Variants in KITLG observed in about 807,000 individuals in gnomAD.
KITLG encodes KIT ligand.
Under a neutral mutation model 34.1 loss-of-function variants are expected in KITLG, and 13 were observed. The ratio of observed to expected loss-of-function variants is 0.38; its 90% CI spans 0.25 to 0.61. KITLG has a LOEUF of 0.61. Among genes scored for constraint, KITLG ranks in the 20% least tolerant of loss-of-function variants. The pLI is 0.60. For synonymous variants in KITLG, 110 were observed against 104.0 expected (o/e 1.06, Z -0.35); for missense variants, 292 against 318.9 (o/e 0.92, Z 0.64).
At chr12:88,575,169 T>C (rs1001405429) in intron 1 of KITLG, among the ~76,000 whole-genome samples, 26 of 152,198 alleles carry the variant, frequency 1.7e-4, no homozygotes, top group African/African-American at 6.3e-4. Context: ...CTAGTCTCAC[T>C]TACTCATTTT....
At chr12:88,503,627 G>A (rs774302474) in intron 9 of KITLG, among the ~76,000 whole-genome samples, 11 of 152,118 alleles carry the variant, frequency 7.2e-5, no homozygotes, top group Non-Finnish European at 1.0e-4. Flanking sequence ...GGGTCTTCCC[G>A]CAACAGTATC....
chr12:88,562,492 G>A (rs1871328643), intron 1 of KITLG, among the ~76,000 whole-genome samples: 1 of 152,216 alleles, frequency 6.6e-6, no homozygotes, highest in African/African-American at 2.4e-5. Context: ...GACTGACTAA[G>A]GCAATGGCAG....
chr12:88,558,912 T>C (rs1482763865), intron 1 of KITLG, among the ~76,000 whole-genome samples: 1 of 152,180 alleles, frequency 6.6e-6, no homozygotes, highest in East Asian at 1.9e-4. Context: ...CTAGGTGCTC[T>C]TGATTTAGAG....
chr12:88,500,390 AG>A (rs1868806233), intron 9 of KITLG, among the ~76,000 whole-genome samples: 1 of 152,226 alleles, frequency 6.6e-6, no homozygotes, highest in African/African-American at 2.4e-5. Flanking sequence ...CTTTGATCAA[AG>A]TAACTCTGTA....
At chr12:88,545,058 T>C (rs971296676) in intron 2 of KITLG, among the ~76,000 whole-genome samples, 5 of 152,160 alleles carry the variant, frequency 3.3e-5, no homozygotes, top group African/African-American at 1.2e-4. Flanking sequence ...CTCCCCTAGA[T>C]CGTGACGGTT....
chr12:88,561,942 G>A (rs1183727309), intron 1 of KITLG, among the ~76,000 whole-genome samples: 2 of 83,804 alleles, frequency 2.4e-5, no homozygotes, highest in African/African-American at 4.9e-5. Context: ...CTGTCTTAAG[G>A]AGCACCTCTT....
At chr12:88,562,111 C>T (rs2120957251) in intron 1 of KITLG, among the ~76,000 whole-genome samples, 1 of 152,294 alleles carries the variant, frequency 6.6e-6, no homozygotes, top group East Asian at 1.9e-4. Flanking sequence ...ATCCGTCATT[C>T]TTACCTCTAG....
At chr12:88,568,026 C>A (rs1196403654) in intron 1 of KITLG, among the ~76,000 whole-genome samples, 1 of 152,054 alleles carries the variant, frequency 6.6e-6, no homozygotes, top group Admixed American at 6.6e-5. Flanking sequence ...TTTTTTATTG[C>A]TCAAGTCTGA....
At chr12:88,503,809 G>A (rs1315114799) in intron 9 of KITLG, among the ~76,000 whole-genome samples, 1 of 152,066 alleles carries the variant, frequency 6.6e-6, no homozygotes, top group Non-Finnish European at 1.5e-5. Flanking sequence ...CTATTATAAT[G>A]CATAATTATT....
chr12:88,577,896 AT>A (rs917904111), intron 1 of KITLG, among the ~76,000 whole-genome samples: 2 of 152,162 alleles, frequency 1.3e-5, no homozygotes, highest in South Asian at 2.1e-4. Context: ...ATTACTATAA[AT>A]TTTTTTTATA....
chr12:88,523,258 C>T (rs766455250), intron 3 of KITLG, among the ~76,000 whole-genome samples: 1 of 152,148 alleles, frequency 6.6e-6, no homozygotes, highest in Non-Finnish European at 1.5e-5. Flanking sequence ...TACTGAGGAC[C>T]AGTCTCACCA....
chr12:88,556,002 G>T (rs550919793), intron 1 of KITLG, among the ~76,000 whole-genome samples: 2 of 152,076 alleles, frequency 1.3e-5, no homozygotes, highest in African/African-American at 4.8e-5. Context: ...GGGGAGGGGG[G>T]CATTTGGGGG....
At chr12:88,528,438 T>C (rs911390527) in intron 3 of KITLG, among the ~76,000 whole-genome samples, 3 of 152,132 alleles carry the variant, frequency 2.0e-5, no homozygotes, top group Admixed American at 1.3e-4. Flanking sequence ...TTACATGGTA[T>C]CAAAATGAAA....
At chr12:88,512,992 T>C (rs1869331842) in intron 6 of KITLG, among the ~76,000 whole-genome samples, 3 of 151,822 alleles carry the variant, frequency 2.0e-5, no homozygotes. Flanking sequence ...CAGGTTAATA[T>C]AAAAGACAAT....
At chr12:88,536,765 A>G (rs1566026811) in intron 2 of KITLG, among the ~76,000 whole-genome samples, 3 of 152,290 alleles carry the variant, frequency 2.0e-5, no homozygotes, top group Admixed American at 6.5e-5. Context: ...GTTCTCACTC[A>G]TAAGTGGGAG....
chr12:88,501,531 A>C (rs971459529), intron 9 of KITLG, among the ~76,000 whole-genome samples: 2 of 152,142 alleles, frequency 1.3e-5, no homozygotes, highest in Admixed American at 1.3e-4. Context: ...ACACCTATCT[A>C]GGAACTAGAC....
At chr12:88,560,785 C>T (rs1340859926) in intron 1 of KITLG, among the ~76,000 whole-genome samples, 3 of 151,802 alleles carry the variant, frequency 2.0e-5, no homozygotes, top group East Asian at 3.9e-4. Context: ...CTGGCCAACA[C>T]AGTGAAACCC....
intron 2 of KITLG, 150 bp downstream of exon 2, chr12:88,545,602 T>G (rs928061155): frequency 2.6e-5 from 16 of 604,288 alleles, no homozygotes; most frequent in Non-Finnish European, 4.1e-5. Context: ...CTGCTTTCTA[T>G]AAACCCTTTA....
At chr12:88,541,273 G>A (rs1180222463) in intron 2 of KITLG, among the ~76,000 whole-genome samples, 1 of 152,050 alleles carries the variant, frequency 6.6e-6, no homozygotes, top group Non-Finnish European at 1.5e-5. Flanking sequence ...TTGTTCTAAT[G>A]CTATCTTACT....
Sources: gnomAD v4.1 joint callset for allele counts (sites outside exome capture counted in the v4.1 genomes callset) on GRCh38, gnomAD v4.1.1 for gene constraint, MANE v1.5 for transcripts, NCBI Gene and HGNC (gene_info 2026-07-23, HGNC 2026-07-21) for gene names.